Variants in PIBF1 observed in about 807,000 individuals in gnomAD.
PIBF1 encodes the protein progesterone-induced-blocking factor 1.
PIBF1 carries 90 observed loss-of-function variants against 112.5 expected under a neutral mutation model. The ratio of observed to expected loss-of-function variants is 0.80; its 90% CI spans 0.67 to 0.95. The LOEUF is 0.95. PIBF1 is among the 40% of genes least tolerant of loss of function. The probability of loss-of-function intolerance (pLI) is 0.00; values close to 1 mark genes in which losing one functional copy is unlikely to be tolerated. For missense variants in PIBF1, 915 were observed against 852.3 expected, an observed-to-expected ratio of 1.07 and a Z score of -0.92; for synonymous variants, 301 against 288.6, an observed-to-expected ratio of 1.04 and a Z score of -0.44.
chr13:72,973,478 T>A, intron 15 of PIBF1, 113 bp from the exon 16 acceptor site: 1 of 572,582 alleles, frequency 1.7e-6, no homozygotes. Flanking sequence ...GGACTATAAA[T>A]TTATCTTTAG....
At chr13:72,920,946 C>T (rs572824116) in intron 13 of PIBF1, among the ~76,000 whole-genome samples, 1 of 152,198 alleles carries the variant, frequency 6.6e-6, no homozygotes, top group South Asian at 2.1e-4. Flanking sequence ...TCAAAGGAAC[C>T]TATTTTCCAA....
chr13:72,995,538 TGGTC>T (rs887279904), intron 16 of PIBF1, among the ~76,000 whole-genome samples: 13 of 151,942 alleles, frequency 8.6e-5, no homozygotes, highest in Non-Finnish European at 1.9e-4. Flanking sequence ...GGGGAAAAAA[TGGTC>T]TCTTCAGTAC....
intron 16 of PIBF1, among the ~76,000 whole-genome samples, chr13:72,977,120 G>T (rs1352129242): frequency 2.6e-5 from 4 of 152,124 alleles, no homozygotes; most frequent in Non-Finnish European, 4.4e-5. Flanking sequence ...GAGACCAAAT[G>T]AACTTTTTAA....
chr13:72,790,277 C>T (rs1051102092), intron 2 of PIBF1, among the ~76,000 whole-genome samples: 1 of 152,060 alleles, frequency 6.6e-6, no homozygotes, highest in African/African-American at 2.4e-5. Context: ...AAGTTTTTGG[C>T]TTATTTAACT....
In PIBF1 at chr13:72,888,818, C is replaced by A. The variant is rs974063198; in HGVS notation, c.1323-4966C>A. Among the ~76,000 whole-genome samples the A allele has an allele frequency of 3.4e-5, 5 of 148,134 alleles. No homozygotes were observed. In the South Asian group the frequency reaches 8.5e-4, roughly 25 times the overall value. On this transcript the variant is annotated intron_variant, in intron 10 of 17. Transcript: ENST00000326291. ...TATCAATTCATATGTGATATACATA[C>A]ATGTTTAAAAAAAAACAAACCTCTT...
intron 14 of PIBF1, among the ~76,000 whole-genome samples, chr13:72,943,802 G>T (rs1312050598): frequency 1.3e-5 from 2 of 152,168 alleles, no homozygotes; most frequent in African/African-American, 4.8e-5. Context: ...AGGGGAAAAG[G>T]GGAAAAAGCC....
At chr13:72,799,237 C>G (rs1254368907) in intron 5 of PIBF1, among the ~76,000 whole-genome samples, 2 of 152,158 alleles carry the variant, frequency 1.3e-5, no homozygotes, top group African/African-American at 4.8e-5. Context: ...AGCAAAGTTG[C>G]ATACAAACAT....
chr13:72,857,353 T>C (rs1039158142), intron 10 of PIBF1, among the ~76,000 whole-genome samples: 1 of 152,212 alleles, frequency 6.6e-6, no homozygotes, highest in African/African-American at 2.4e-5. Context: ...TTAGGAGTTA[T>C]AGAAGTAATA....
chr13:72,803,583 T>C (rs552842997), intron 5 of PIBF1, among the ~76,000 whole-genome samples: 1 of 152,330 alleles, frequency 6.6e-6, no homozygotes, highest in African/African-American at 2.4e-5. Context: ...TGTGGGACTT[T>C]CTTAATATCT....
At chr13:72,834,461 A>T (rs1341648265) in intron 8 of PIBF1, among the ~76,000 whole-genome samples, 5 of 151,844 alleles carry the variant, frequency 3.3e-5, no homozygotes, top group Non-Finnish European at 7.4e-5. Flanking sequence ...CTGTCTCTAT[A>T]AAAAAAAGTT....
At chr13:72,926,114 G>C (rs894926979) in intron 13 of PIBF1, among the ~76,000 whole-genome samples, 2 of 152,104 alleles carry the variant, frequency 1.3e-5, no homozygotes, top group African/African-American at 4.8e-5. Context: ...TATGAGGTAA[G>C]GGCTTTGTAC....
At chr13:72,819,698 A>T (rs1040939604) in intron 5 of PIBF1, among the ~76,000 whole-genome samples, 1 of 152,132 alleles carries the variant, frequency 6.6e-6, no homozygotes, top group Admixed American at 6.6e-5. Context: ...AAAATAGCCA[A>T]AAAAGAGGAC....
rs557222411 is a variant in PIBF1 at position 72,824,554 on chromosome 13, A to ATATATT, written c.807-2451_807-2450insTTATAT. Among the ~76,000 whole-genome samples the ATATATT allele has an allele frequency of 7.1e-3, 1,074 of 152,298 alleles. 14 individuals carry two copies. The highest frequency in any genetic ancestry group is 0.025 in the African/African-American group (1,033 of 41,572). Reference sequence around the variant, plus strand: ...TAAGTGTACAGTTCAGTGGTAATAAATATATCCTTTTTGGGAAAGAGGATC... The same window carrying ATATATT: ...TAAGTGTACAGTTCAGTGGTAATAAATATATTTATATCCTTTTTGGGAAAGAGGATC... On this transcript the variant is annotated intron_variant, in intron 6 of 17. Coordinates refer to ENST00000326291, the MANE Select transcript of PIBF1 (RefSeq NM_006346.4).
chr13:72,964,782 G>A (rs2042695872), intron 14 of PIBF1, among the ~76,000 whole-genome samples: 2 of 152,088 alleles, frequency 1.3e-5, no homozygotes, highest in Non-Finnish European at 2.9e-5. Flanking sequence ...AATTTTTTCA[G>A]CCAGGCGAGG....
At position 72,972,003 on chromosome 13, in the gene PIBF1, C is replaced by CATTTATTTATTT. The variant is rs67353309; in HGVS notation, c.1965-1551_1965-1540dup. Among the ~76,000 whole-genome samples, 316 of 138,784 alleles carry CATTTATTTATTT rather than the reference C, an allele frequency of 2.3e-3. 1 individual carries two copies. Among genetic ancestry groups the CATTTATTTATTT allele is most frequent in the Middle Eastern group, 3.7e-3 (1 of 270 alleles). The allele number at this position is 138,784 out of a possible 152,430, so 91.0% of individuals were successfully genotyped here. On this transcript the variant is annotated intron_variant, in intron 15 of 17. Coordinates refer to ENST00000326291, the MANE Select transcript of PIBF1 (RefSeq NM_006346.4). ...TATTATTCTAAAGATTAGTGGCTTTCATTTATTTATTTATTTATTTATTTA... is the reference window on the plus strand; with the variant it reads ...TATTATTCTAAAGATTAGTGGCTTTCATTTATTTATTTATTTATTTATTTATTTATTTATTTA...
chr13:72,809,512 A>G (rs910459288), intron 5 of PIBF1, among the ~76,000 whole-genome samples: 6 of 151,886 alleles, frequency 4.0e-5, no homozygotes, highest in African/African-American at 1.5e-4. Flanking sequence ...CCACACAATT[A>G]CACAGTTAAT....
rs1292071326 is a variant in PIBF1 at position 72,965,404 on chromosome 13, G to A, written c.1964G>A (p.Ser655Asn). ...ATTGCACAACTTGAGAAAGATGTCA[G>A]GTAAACCATCTACAAATCTTTTATT... Reference protein sequence around the residue: ...ESIAQLEKDVSNLNKEKSALL... With the variant: ...ESIAQLEKDVNNLNKEKSALL... Residue 655 changes from serine to asparagine, a missense_variant and splice_region_variant, in exon 15 of 18, where the codon AGC becomes AAC. Transcript: ENST00000326291. 1.2e-6 allele frequency: 2 copies of A among 1,600,096 alleles called. No individual in the cohort carries two copies. Among genetic ancestry groups the A allele is most frequent in the Non-Finnish European group, 1.7e-6 (2 of 1,174,134 alleles).
In PIBF1 at chr13:73,016,006, C is replaced by T. The variant is rs1296727782; in HGVS notation, c.*87C>T. On this transcript the variant is annotated 3_prime_UTR_variant, in exon 18 of 18. Coordinates refer to ENST00000326291, the MANE Select transcript of PIBF1 (RefSeq NM_006346.4). ...AAACAAAATTCAGCTTAATCGTGTACTCAGCATTTTTTAAATAACAATGTT... is the reference window on the plus strand; with the variant it reads ...AAACAAAATTCAGCTTAATCGTGTATTCAGCATTTTTTAAATAACAATGTT... The T allele has an allele frequency of 8.2e-6, 5 of 613,436 alleles. No individual in the cohort carries two copies. Among genetic ancestry groups the T allele is most frequent in the Non-Finnish European group, 1.1e-5 (4 of 374,466 alleles). 38.0% of individuals were successfully genotyped at this position (613,436 alleles called of 1,614,324 possible).
intron 9 of PIBF1, among the ~76,000 whole-genome samples, chr13:72,848,957 A>G (rs2038003654): frequency 6.6e-6 from 1 of 152,242 alleles, no homozygotes; most frequent in Admixed American, 6.5e-5. Flanking sequence ...ATAATTTTTA[A>G]TAGCACCCTC....
Sources: gnomAD v4.1 joint callset for allele counts (sites outside exome capture counted in the v4.1 genomes callset) on GRCh38, gnomAD v4.1.1 for gene constraint, MANE v1.5 for transcripts, NCBI Gene and HGNC (gene_info 2026-07-23, HGNC 2026-07-21) for gene names.